LIPA: variants seen among roughly 807,000 people sequenced by gnomAD.
LIPA encodes lipase A, lysosomal acid type, also known as lysosomal acid lipase/cholesteryl ester hydrolase.
In LIPA, 26 loss-of-function variants were observed where a neutral mutation model predicts 40.6. The observed-to-expected ratio is 0.64, with a 90% CI of 0.47 to 0.89. The LOEUF (loss-of-function observed/expected upper bound fraction) is 0.89, where lower values mean the gene tolerates loss of function less well. Among genes scored for constraint, LIPA ranks in the 40% least tolerant of loss-of-function variants. LIPA has a pLI of 0.00. For synonymous variants in LIPA, 188 were observed against 168.4 expected (o/e 1.12, Z -0.90); for missense variants, 455 against 479.6 (o/e 0.95, Z 0.48).
chr10:89,246,927 T>A (rs1843032243), intron 2 of LIPA, among the ~76,000 whole-genome samples: 1 of 152,182 alleles, frequency 6.6e-6, no homozygotes, highest in Non-Finnish European at 1.5e-5. Context: ...TACTTTTTTA[T>A]AGTTTAAACA....
intron 3 of LIPA, among the ~76,000 whole-genome samples, chr10:89,241,313 C>T (rs949158808): frequency 6.6e-5 from 10 of 152,170 alleles, no homozygotes; most frequent in Admixed American, 2.6e-4. Flanking sequence ...CTACCCAATG[C>T]GCCATCAGAG....
At chr10:89,218,587 CTAAGCTATCTCCTTCGCACAAAGTCACT>C in intron 8 of LIPA, among the ~76,000 whole-genome samples, 1 of 152,218 alleles carries the variant, frequency 6.6e-6, no homozygotes, top group Non-Finnish European at 1.5e-5. Flanking sequence ...CCGCTCACTT[CTAAGCTATCTCCTTCGCACAAAGTCACT>C]TGCCCTGAGC....
chr10:89,307,725 A>G, intron 1 of LIPA: 1 of 196,606 alleles, frequency 5.1e-6, no homozygotes, highest in Non-Finnish European at 1.1e-5. Flanking sequence ...CAAATCCTTC[A>G]TGTAATATTG....
intron 1 of LIPA, among the ~76,000 whole-genome samples, chr10:89,291,525 A>G (rs1231108854): frequency 1.3e-5 from 2 of 152,180 alleles, no homozygotes; most frequent in African/African-American, 4.8e-5. Context: ...GATACACATG[A>G]GTTATATAGT....
At chr10:89,307,551 A>G in intron 1 of LIPA, 1 of 561,946 alleles carries the variant, frequency 1.8e-6, no homozygotes, top group Non-Finnish European at 3.1e-6. Context: ...GAGAGAGCCC[A>G]AGGAGTTCTG....
chr10:89,359,859 A>G (rs999864671), intron 2 of LIPA, among the ~76,000 whole-genome samples: 5 of 151,506 alleles, frequency 3.3e-5, no homozygotes, highest in Non-Finnish European at 7.4e-5. Flanking sequence ...ACACACACAC[A>G]ATGATAATGC....
intron 2 of LIPA, among the ~76,000 whole-genome samples, chr10:89,378,481 G>A (rs921593934): frequency 1.3e-5 from 2 of 152,136 alleles, no homozygotes; most frequent in Non-Finnish European, 2.9e-5. Flanking sequence ...CTAAGCTATA[G>A]CTGTAGGGGA....
chr10:89,384,411 G>T, intron 2 of LIPA: 1 of 1,614,130 alleles, frequency 6.2e-7, no homozygotes, highest in Non-Finnish European at 8.5e-7. Flanking sequence ...TTCAGAAAGG[G>T]TTACGCATGA....
intron 1 of LIPA, among the ~76,000 whole-genome samples, chr10:89,335,732 G>T (rs1247583571): frequency 6.6e-6 from 1 of 151,950 alleles, no homozygotes; most frequent in Non-Finnish European, 1.5e-5. Context: ...CTACAAATCT[G>T]CAGATACATT....
intron 2 of LIPA, among the ~76,000 whole-genome samples, chr10:89,382,415 T>C (rs940484390): frequency 1.3e-5 from 2 of 152,234 alleles, no homozygotes; most frequent in East Asian, 3.8e-4. Flanking sequence ...ATAGGGAGAC[T>C]AGGACTTCAG....
chr10:89,290,176 C>T (rs537716483), intron 1 of LIPA, among the ~76,000 whole-genome samples: 1 of 152,290 alleles, frequency 6.6e-6, no homozygotes, highest in East Asian at 1.9e-4. Flanking sequence ...AATTAGATGT[C>T]CTGGGTCCTC....
At chr10:89,375,711 T>TC (rs1844116304) in intron 2 of LIPA, among the ~76,000 whole-genome samples, 1 of 152,158 alleles carries the variant, frequency 6.6e-6, no homozygotes, top group Admixed American at 6.5e-5. Context: ...TTTCCCTCAT[T>TC]CCCCTGAATG....
upstream of LIPA, among the ~76,000 whole-genome samples, chr10:89,344,680 G>T (rs1314159537): frequency 6.6e-6 from 1 of 150,730 alleles, no homozygotes; most frequent in Non-Finnish European, 1.5e-5. Context: ...GTGCTCCCAT[G>T]CACCTAACAA....
chr10:89,285,695 T>TG (rs1457937030), intron 1 of LIPA, among the ~76,000 whole-genome samples: 17 of 151,834 alleles, frequency 1.1e-4, no homozygotes, highest in Admixed American at 1.1e-3. Flanking sequence ...TCCACTTTCC[T>TG]GGGGGGCAAG....
rs193184035 is a variant in LIPA, at chr10:89,233,503, T to C, written c.230-5105A>G. Reference sequence around the variant, plus strand: ...GAAGGTAAAATATCAAGAAGTGATTTGAAAACATACATTACGTTTCGTGCA... The same window carrying C: ...GAAGGTAAAATATCAAGAAGTGATTCGAAAACATACATTACGTTTCGTGCA... On this transcript the variant is annotated intron_variant, in intron 3 of 9. Coordinates refer to ENST00000336233, the MANE Select transcript of LIPA (RefSeq NM_000235.4). Among the ~76,000 whole-genome samples the C allele has an allele frequency of 3.3e-3, 507 of 152,362 alleles. 1 individual carries two copies. Among genetic ancestry groups the C allele is most frequent in the African/African-American group, 0.012 (485 of 41,586 alleles).
intron 2 of LIPA, among the ~76,000 whole-genome samples, chr10:89,410,881 A>AGCAGAAAGGAAAGCAAGAAAGAG (rs1841463186): frequency 6.6e-6 from 1 of 152,252 alleles, no homozygotes; most frequent in African/African-American, 2.4e-5. Context: ...GGGAAACACC[A>AGCAGAAAGGAAAGCAAGAAAGAG]GCAGAAAGGA....
upstream of LIPA, among the ~76,000 whole-genome samples, chr10:89,343,913 A>C (rs1324571933): frequency 1.3e-5 from 2 of 152,188 alleles, no homozygotes; most frequent in Non-Finnish European, 2.9e-5. Flanking sequence ...AGCTTAATTC[A>C]GGCAGGAGTT....
chr10:89,222,411 T>G (rs776313708), intron 8 of LIPA, 100 bp downstream of exon 8: 1 of 806,634 alleles, frequency 1.2e-6, no homozygotes, highest in Non-Finnish European at 2.2e-6. Flanking sequence ...CAGATCAGAT[T>G]TGTAAGCAGG....
upstream of LIPA, among the ~76,000 whole-genome samples, chr10:89,344,744 A>C (rs1391150659): frequency 6.6e-6 from 1 of 152,248 alleles, no homozygotes; most frequent in African/African-American, 2.4e-5. Context: ...GTTCTCAAAG[A>C]ATTTCCAAGT....
Sources: allele counts gnomAD v4.1 joint callset (sites outside exome capture counted in the v4.1 genomes callset), GRCh38; gene constraint gnomAD v4.1.1; transcripts MANE v1.5; gene names NCBI Gene and HGNC (gene_info 2026-07-23, HGNC 2026-07-21).